Variants in PPP1R1B observed in about 807,000 individuals in gnomAD.
PPP1R1B encodes protein phosphatase 1 regulatory inhibitor subunit 1B.
Under a neutral mutation model 28.2 loss-of-function variants are expected in PPP1R1B, and 13 were observed. The observed-to-expected ratio is 0.46, with a 90% CI of 0.30 to 0.73. The LOEUF is 0.73. Among genes scored for constraint, PPP1R1B ranks in the 30% least tolerant of loss-of-function variants. PPP1R1B has a pLI of 0.07. For synonymous variants in PPP1R1B, 102 were observed against 97.5 expected (o/e 1.05, Z -0.27); for missense variants, 236 against 256.7 (o/e 0.92, Z 0.55).
Position 39,627,245 on chromosome 17 carries a change from T to C in PPP1R1B, c.-148T>C, listed in dbSNP as rs1279835726. ...CTCCTCCCGCTCCCGCGCCCTCCCC[T>C]CGGCGGGCACGGTATTTTTATCCGT... On this transcript the variant is annotated 5_prime_UTR_variant, in exon 1 of 7. Coordinates refer to ENST00000254079, the MANE Select transcript of PPP1R1B (RefSeq NM_032192.4). The C allele has an allele frequency of 1.3e-5, 7 of 555,742 alleles. No homozygotes were observed. The highest frequency in any genetic ancestry group is 2.1e-5 in the Non-Finnish European group (7 of 337,552). The allele number at this position is 555,742 out of a possible 1,614,324, so 34.4% of individuals were successfully genotyped here.
Position 39,636,094 on chromosome 17 carries a change from C to T in PPP1R1B, c.*229C>T, listed in dbSNP as rs534567504. On this transcript the variant is annotated 3_prime_UTR_variant, in exon 7 of 7. Coordinates refer to ENST00000254079, the MANE Select transcript of PPP1R1B (RefSeq NM_032192.4). ...ATGCCCACCCCTGCCAGTCATTCCTCCATTCACCCAGCGGGAGGTGGGATG... is the reference window on the plus strand; with the variant it reads ...ATGCCCACCCCTGCCAGTCATTCCTTCATTCACCCAGCGGGAGGTGGGATG... The T allele has an allele frequency of 5.3e-6, 3 of 570,180 alleles. No homozygotes were observed. The highest frequency in any genetic ancestry group is 2.9e-5 in the East Asian group (1 of 34,430). The allele number at this position is 570,180 out of a possible 1,614,324, so 35.3% of individuals were successfully genotyped here.
intron 3 of PPP1R1B, 107 bp from the exon 4 acceptor site, chr17:39,629,865 A>C (rs545615295): frequency 8.5e-7 from 1 of 1,183,060 alleles, no homozygotes; most frequent in African/African-American, 1.5e-5. Context: ...ACCCATTAGC[A>C]GTGGCTAAAT....
Position 39,636,107 on chromosome 17 carries a change from G to A in PPP1R1B, c.*242G>A, listed in dbSNP as rs1348632118. The A allele has an allele frequency of 5.4e-6, 3 of 556,410 alleles. No individual in the cohort carries two copies. Among genetic ancestry groups the A allele is most frequent in the African/African-American group, 1.9e-5 (1 of 52,990 alleles). 34.5% of individuals were successfully genotyped at this position (556,410 alleles called of 1,614,324 possible). The stretch of plus-strand genomic sequence containing the variant: ...CCAGTCATTCCTCCATTCACCCAGC[G>A]GGAGGTGGGATGTGAGACAGCCCAC... On this transcript the variant is annotated 3_prime_UTR_variant, in exon 7 of 7. Coordinates refer to ENST00000254079, the MANE Select transcript of PPP1R1B (RefSeq NM_032192.4).
Position 39,636,066 on chromosome 17 carries a change from C to G in PPP1R1B, c.*201C>G. On this transcript the variant is annotated 3_prime_UTR_variant, in exon 7 of 7. Coordinates refer to ENST00000254079, the MANE Select transcript of PPP1R1B (RefSeq NM_032192.4). ...CCCAGAGAACCTGGGCACTTGCTGCCTGATGCCCACCCCTGCCAGTCATTC... is the reference window on the plus strand; with the variant it reads ...CCCAGAGAACCTGGGCACTTGCTGCGTGATGCCCACCCCTGCCAGTCATTC... 1.7e-6 allele frequency: 1 copy of G among 595,656 alleles called. No homozygotes were observed. Among genetic ancestry groups the G allele is most frequent in the Non-Finnish European group, 2.9e-6 (1 of 339,224 alleles). The allele number at this position is 595,656 out of a possible 1,614,324, so 36.9% of individuals were successfully genotyped here.
rs2056865642 is a variant in PPP1R1B, at chr17:39,630,064, G to A, written c.241+17G>A. 7 of 1,612,422 alleles carry A rather than the reference G, an allele frequency of 4.3e-6. No homozygotes were observed. Among genetic ancestry groups the A allele is most frequent in the African/African-American group, 4.0e-5 (3 of 74,904 alleles). On this transcript the variant is annotated intron_variant, in intron 4 of 6. Coordinates refer to ENST00000254079, the MANE Select transcript of PPP1R1B (RefSeq NM_032192.4). The stretch of plus-strand genomic sequence containing the variant: ...CGCTGAAAGGTACTATACCCCCACC[G>A]ACCTTCCTGGCTGTCCGCCTGATCC...
upstream of PPP1R1B, chr17:39,626,948 C>G (rs2056841970): frequency 6.2e-6 from 1 of 162,024 alleles, no homozygotes; most frequent in South Asian, 1.9e-4. Context: ...AGGGTGAGCC[C>G]GGCAGAGGCA....
chr17:39,629,149 CCCCT>C lies in PPP1R1B; in HGVS notation c.82-14_82-11del. On this transcript the variant is annotated splice_polypyrimidine_tract_variant and intron_variant, in intron 1 of 6. Coordinates refer to ENST00000254079, the MANE Select transcript of PPP1R1B (RefSeq NM_032192.4). Reference sequence around the variant, plus strand: ...AGGGCTGCAGGTGTCCATCCAGTCACCCCTCCCTCCATCTCCTTAGATCCGGCGC... The same window carrying C: ...AGGGCTGCAGGTGTCCATCCAGTCACCCCTCCATCTCCTTAGATCCGGCGC... The C allele has an allele frequency of 1.2e-6, 2 of 1,611,524 alleles. No homozygotes were observed. Among genetic ancestry groups the C allele is most frequent in the Non-Finnish European group, 1.7e-6 (2 of 1,178,312 alleles).
chr17:39,626,783 C>T (rs1171531366), upstream of PPP1R1B: 2 of 152,310 alleles, frequency 1.3e-5, no homozygotes. Flanking sequence ...AGCTGGCTCC[C>T]CAGGCCTTGG....
chr17:39,627,313 C>A lies in PPP1R1B; in HGVS notation c.-80C>A. On this transcript the variant is annotated 5_prime_UTR_variant, in exon 1 of 7. Coordinates refer to ENST00000254079, the MANE Select transcript of PPP1R1B (RefSeq NM_032192.4). ...CCTCCTCTCGCCGCACAGCCCGCCG[C>A]CTGCGCGGGGGAGCCCAGCACAGAC... 16 of 955,812 alleles carry A rather than the reference C, an allele frequency of 1.7e-5. No individual in the cohort carries two copies. Among genetic ancestry groups the A allele is most frequent in the Non-Finnish European group, 2.4e-5 (16 of 660,468 alleles). The allele number at this position is 955,812 out of a possible 1,614,324, so 59.2% of individuals were successfully genotyped here.
intron 4 of PPP1R1B, among the ~76,000 whole-genome samples, chr17:39,630,630 G>A (rs1386350921): frequency 6.6e-6 from 1 of 152,240 alleles, no homozygotes; most frequent in Admixed American, 6.5e-5. Flanking sequence ...TTGCCTCAAA[G>A]GGTCAGGGAG....
chr17:39,629,601 GC>G (rs2056861570), intron 3 of PPP1R1B, 39 bp downstream of exon 3: 1 of 1,611,304 alleles, frequency 6.2e-7, no homozygotes, highest in South Asian at 1.1e-5. Flanking sequence ...GGATGCCTGG[GC>G]CCCTTGGGGT....
intron 4 of PPP1R1B, 186 bp downstream of exon 4, chr17:39,630,233 G>A (rs117059083): frequency 1.7e-5 from 10 of 600,010 alleles, no homozygotes; most frequent in East Asian, 2.8e-5. Flanking sequence ...CAGGAGTCCC[G>A]AGGCTGCAAT....
rs1240617125 is a variant in PPP1R1B, at chr17:39,635,809, C to T, written c.566-7C>T. ...AGGCCCTGAGTCCCTCTCTGCTTGC[C>T]TTTCAGAGCCTGGGGAGGAACCTCA... On this transcript the variant is annotated splice_polypyrimidine_tract_variant and splice_region_variant and intron_variant, in intron 6 of 6. Coordinates refer to ENST00000254079, the MANE Select transcript of PPP1R1B (RefSeq NM_032192.4). The T allele has an allele frequency of 6.2e-7, 1 of 1,613,996 alleles. No homozygotes were observed. Among genetic ancestry groups the T allele is most frequent in the East Asian group, 2.2e-5 (1 of 44,870 alleles).
At chr17:39,629,763 C>G (rs1291926383) in intron 3 of PPP1R1B, among the ~76,000 whole-genome samples, 1 of 152,234 alleles carries the variant, frequency 6.6e-6, no homozygotes, top group Non-Finnish European at 1.5e-5. Context: ...GGTGGAACCT[C>G]CTGGACCTAG....
chr17:39,628,704 T>C (rs1052920588), intron 1 of PPP1R1B: 163 of 991,792 alleles, frequency 1.6e-4, no homozygotes, highest in Non-Finnish European at 1.9e-4. Context: ...GAGCTGATCT[T>C]AGGTGGGCAG....
chr17:39,633,158 TG>T (rs146256029), intron 4 of PPP1R1B: 2,118 of 153,328 alleles, frequency 0.014, 57 homozygotes, highest in African/African-American at 0.049. Flanking sequence ...CTTTGGAGGC[TG>T]GGGGGGTTGC....
At position 39,635,720 on chromosome 17, in the gene PPP1R1B, C is replaced by G. The variant is rs960744652; in HGVS notation, c.559C>G (p.Leu187Val). ...TGAGGACCAAGTGGAAGACCCAGCA[C>G]TAAGTGGTAAGGCTTGGGAGTGTGA... ...GSEDQVEDPA[L>V]SEPGEEPQRP... is the part of the protein sequence containing the mutation. The change falls in exon 6 of 7, where the codon CTA (leucine) becomes GTA (valine). Residue 187 changes from leucine to valine, a missense_variant. Physicochemically the swap from Leu to Val is conservative, Grantham distance 32 (BLOSUM62 1). Transcript: ENST00000254079. 6.2e-7 allele frequency: 1 copy of G among 1,614,032 alleles called. No homozygotes were observed. The highest frequency in any genetic ancestry group is 8.5e-7 in the Non-Finnish European group (1 of 1,179,974).
intron 1 of PPP1R1B, 150 bp from the exon 2 acceptor site, chr17:39,629,020 G>C: frequency 1.4e-6 from 1 of 702,408 alleles, no homozygotes; most frequent in East Asian, 2.7e-5. Context: ...AAATGAGGGG[G>C]TTAGGTGAGC....
intron 1 of PPP1R1B, chr17:39,628,855 G>C (rs1441271929): frequency 2.3e-6 from 1 of 426,910 alleles, no homozygotes; most frequent in African/African-American, 2.1e-5. Flanking sequence ...GGAGAAGATA[G>C]GAAGGGAGAT....
Sources: gnomAD v4.1 joint callset for allele counts (sites outside exome capture counted in the v4.1 genomes callset) on GRCh38, gnomAD v4.1.1 for gene constraint, MANE v1.5 for transcripts, NCBI Gene and HGNC (gene_info 2026-07-23, HGNC 2026-07-21) for gene names.